CLUAP1: variants seen among roughly 807,000 people sequenced by gnomAD.
CLUAP1 encodes the protein intraflagellar transport 38.
CLUAP1 carries 50 observed loss-of-function variants against 55.0 expected under a neutral mutation model. That is an observed-to-expected ratio of 0.91 (90% CI 0.72 to 1.15). The LOEUF is 1.15. Among genes scored for constraint, CLUAP1 ranks in the 50% most tolerant of loss-of-function variants. The probability of loss-of-function intolerance (pLI) is 0.00; values close to 1 mark genes in which losing one functional copy is unlikely to be tolerated. For synonymous variants in CLUAP1, 195 were observed against 175.4 expected, an observed-to-expected ratio of 1.11 and a Z score of -0.88; for missense variants, 530 against 507.6, an observed-to-expected ratio of 1.04 and a Z score of -0.42.
At chr16:3,520,175 C>A in intron 7 of CLUAP1, 139 bp downstream of exon 7, 1 of 802,016 alleles carries the variant, frequency 1.2e-6, no homozygotes, top group Non-Finnish European at 1.9e-6. Context: ...GAGTTTGAGA[C>A]CAGCCTGGGC....
At chr16:3,532,349 TTGCCTTTAAAAACATTTCTTATC>T (rs2038138410) in intron 10 of CLUAP1, among the ~76,000 whole-genome samples, 1 of 151,808 alleles carries the variant, frequency 6.6e-6, no homozygotes, top group African/African-American at 2.4e-5. Flanking sequence ...TCTCCTATAT[TTGCCTTTAAAAACATTTCTTATC>T]TACCACCTGT....
At chr16:3,500,825 G>A, upstream of CLUAP1, 1 of 565,950 alleles carries the variant, frequency 1.8e-6, no homozygotes, top group South Asian at 2.1e-5. Context: ...TGGGAAGCTT[G>A]CAGCCCTCAT....
chr16:3,525,711 C>T lies in CLUAP1; in HGVS notation c.856-701C>T, dbSNP rs144636644. Among the ~76,000 whole-genome samples the T allele has an allele frequency of 8.9e-3, 1,352 of 152,190 alleles. 10 individuals are homozygous for T. Among genetic ancestry groups the T allele is most frequent in the South Asian group, 0.017 (82 of 4,816 alleles). On this transcript the variant is annotated intron_variant, in intron 8 of 11. Transcript: ENST00000576634. ...TCTTGAGTAGCTGGGACTATAGGCA[C>T]TTGCCACCATACCTGGCTAAATTTT...
At chr16:3,497,956 C>T (rs1449960197), upstream of CLUAP1, among the ~76,000 whole-genome samples, 3 of 152,046 alleles carry the variant, frequency 2.0e-5, no homozygotes, top group Non-Finnish European at 4.4e-5. Context: ...CGTGCCCAGC[C>T]AAGAGAAGAT....
intron 1 of CLUAP1, 60 bp downstream of exon 1, chr16:3,501,149 C>G (rs368038749): frequency 1.2e-5 from 18 of 1,512,230 alleles, no homozygotes; most frequent in Non-Finnish European, 1.6e-5. Context: ...GGCTCCCGCC[C>G]GCCGGGTCCC....
chr16:3,498,094 T>G (rs1275124692), upstream of CLUAP1, among the ~76,000 whole-genome samples: 1 of 151,958 alleles, frequency 6.6e-6, no homozygotes, highest in African/African-American at 2.4e-5. Context: ...AGAATCTGGG[T>G]AGGGGTGGGG....
intron 10 of CLUAP1, 86 bp from the exon 11 acceptor site, chr16:3,532,700 C>G: frequency 7.0e-7 from 1 of 1,429,336 alleles, no homozygotes; most frequent in East Asian, 2.3e-5. Flanking sequence ...AGCCAACATG[C>G]CTGGCCAGAA....
upstream of CLUAP1, chr16:3,500,936 T>G (rs2037383044): frequency 3.0e-6 from 3 of 995,764 alleles, no homozygotes; most frequent in Non-Finnish European, 4.5e-6. Flanking sequence ...CGTCTTCGCT[T>G]CGCTTTTTGT....
intron 3 of CLUAP1, among the ~76,000 whole-genome samples, chr16:3,507,949 C>G (rs935570360): frequency 6.6e-6 from 1 of 152,092 alleles, no homozygotes; most frequent in Non-Finnish European, 1.5e-5. Context: ...TTTAGGTTGT[C>G]TGAAGCTTTG....
At chr16:3,501,152 CGG>C in intron 1 of CLUAP1, 63 bp downstream of exon 1, 1 of 1,508,412 alleles carries the variant, frequency 6.6e-7, no homozygotes, top group Non-Finnish European at 8.9e-7. Context: ...TCCCGCCCGC[CGG>C]GTCCCCTGTG....
At chr16:3,521,241 C>T (rs2037826812) in intron 7 of CLUAP1, among the ~76,000 whole-genome samples, 1 of 151,506 alleles carries the variant, frequency 6.6e-6, no homozygotes, top group Non-Finnish European at 1.5e-5. Context: ...TTTAAAGCAT[C>T]AATTCATTTT....
chr16:3,501,296 A>T (rs2037395510), intron 1 of CLUAP1, among the ~76,000 whole-genome samples: 1 of 152,212 alleles, frequency 6.6e-6, no homozygotes, highest in South Asian at 2.1e-4. Context: ...CGAGGATGGA[A>T]AGTTCTCTAT....
upstream of CLUAP1, among the ~76,000 whole-genome samples, chr16:3,499,276 C>G (rs2037344652): frequency 6.6e-6 from 1 of 152,174 alleles, no homozygotes; most frequent in Admixed American, 6.5e-5. Flanking sequence ...ACCCTGGAGG[C>G]GGAGGTTTCA....
intron 9 of CLUAP1, among the ~76,000 whole-genome samples, chr16:3,529,719 T>A (rs1174987435): frequency 2.9e-4 from 8 of 27,370 alleles, no homozygotes; most frequent in Admixed American, 2.1e-3. Flanking sequence ...TATATAATAT[T>A]ATATATTATA....
chr16:3,504,430 A>G (rs1013814823), intron 1 of CLUAP1, among the ~76,000 whole-genome samples: 1 of 152,216 alleles, frequency 6.6e-6, no homozygotes, highest in Admixed American at 6.5e-5. Flanking sequence ...TAGCAGTAAA[A>G]AGAAATGAGA....
chr16:3,501,283 T>G (rs2037395085), intron 1 of CLUAP1, among the ~76,000 whole-genome samples, 194 bp downstream of exon 1: 1 of 152,228 alleles, frequency 6.6e-6, no homozygotes, highest in Non-Finnish European at 1.5e-5. Context: ...CGGCCATTTC[T>G]AGCGAGGATG....
intron 9 of CLUAP1, among the ~76,000 whole-genome samples, chr16:3,527,221 G>T (rs1473178685): frequency 1.3e-5 from 2 of 152,026 alleles, no homozygotes; most frequent in African/African-American, 4.8e-5. Flanking sequence ...TCATAGATAT[G>T]ATTATATATG....
chr16:3,499,945 G>A (rs73503319), upstream of CLUAP1, among the ~76,000 whole-genome samples: 311 of 152,346 alleles, frequency 2.0e-3, no homozygotes, highest in African/African-American at 7.1e-3. Context: ...CACCTAGGCT[G>A]GCATAAGGAA....
chr16:3,533,519 C>A (rs1053272943), intron 11 of CLUAP1: 11 of 261,370 alleles, frequency 4.2e-5, no homozygotes, highest in African/African-American at 2.4e-4. Flanking sequence ...AGGCATGAGG[C>A]TGAGACATAA....
Sources: gnomAD v4.1 joint callset for allele counts (sites outside exome capture counted in the v4.1 genomes callset) on GRCh38, gnomAD v4.1.1 for gene constraint, MANE v1.5 for transcripts, NCBI Gene and HGNC (gene_info 2026-07-23, HGNC 2026-07-21) for gene names.